Variants in DLGAP1 observed in about 807,000 individuals in gnomAD.
DLGAP1 encodes disks large-associated protein 1.
Under a neutral mutation model 90.8 loss-of-function variants are expected in DLGAP1, and 11 were observed. The observed-to-expected ratio is 0.12, with a 90% CI of 0.08 to 0.20. The LOEUF is 0.20. Among genes scored for constraint, DLGAP1 ranks in the 10% least tolerant of loss-of-function variants. The pLI is 1.00. For synonymous variants in DLGAP1, 558 were observed against 540.7 expected, an observed-to-expected ratio of 1.03 and a Z score of -0.44; for missense variants, 1,050 against 1,333.8, an observed-to-expected ratio of 0.79 and a Z score of 3.31.
chr18:4,285,222 G>C (rs543504613), intron 1 of DLGAP1, among the ~76,000 whole-genome samples: 9 of 152,236 alleles, frequency 5.9e-5, no homozygotes, highest in African/African-American at 2.2e-4. Context: ...TTTTATGCAA[G>C]TACACCCAGA....
chr18:3,886,395 C>T (rs1010356389), intron 3 of DLGAP1, among the ~76,000 whole-genome samples: 6 of 152,160 alleles, frequency 3.9e-5, no homozygotes, highest in African/African-American at 1.4e-4. Context: ...TCCATCACGT[C>T]AAATATTTAT....
chr18:4,013,877 C>T (rs1041505949), intron 2 of DLGAP1: 6 of 152,062 alleles, frequency 3.9e-5, no homozygotes, highest in African/African-American at 1.2e-4. Context: ...ACAGTCATAA[C>T]GAACATATTT....
chr18:4,269,726 T>A (rs1171230519), intron 1 of DLGAP1, among the ~76,000 whole-genome samples: 4 of 152,220 alleles, frequency 2.6e-5, no homozygotes, highest in Non-Finnish European at 4.4e-5. Context: ...AGTCTATAAT[T>A]AATGTTACAG....
chr18:4,198,761 T>C (rs566904119), intron 1 of DLGAP1, among the ~76,000 whole-genome samples: 1 of 152,318 alleles, frequency 6.6e-6, no homozygotes, highest in African/African-American at 2.4e-5. Context: ...TCATATTCCT[T>C]GTAGGTGCAT....
intron 2 of DLGAP1, among the ~76,000 whole-genome samples, chr18:4,016,324 G>A (rs2074522775): frequency 6.6e-6 from 1 of 152,228 alleles, no homozygotes; most frequent in South Asian, 2.1e-4. Context: ...GCAGCCGCTG[G>A]TGAGCGGCCT....
intron 4 of DLGAP1, among the ~76,000 whole-genome samples, chr18:3,853,890 G>A (rs879280541): frequency 6.6e-6 from 1 of 152,016 alleles, no homozygotes; most frequent in African/African-American, 2.4e-5. Flanking sequence ...TATATCCACG[G>A]CCCTTTTTTC....
At chr18:4,169,504 G>T (rs2144573388) in intron 1 of DLGAP1, among the ~76,000 whole-genome samples, 1 of 152,260 alleles carries the variant, frequency 6.6e-6, no homozygotes, top group East Asian at 1.9e-4. Flanking sequence ...CAAATTAAAA[G>T]TATCTGTTGG....
In DLGAP1 at chr18:4,032,027, G is replaced by A. The variant is rs114695058; in HGVS notation, c.-158-26826C>T. 1.8e-3 allele frequency among the ~76,000 whole-genome samples: 274 copies of A among 152,178 alleles called. 2 individuals are homozygous for A. The highest frequency in any genetic ancestry group is 6.0e-3 in the African/African-American group (248 of 41,524). ...AATTATCCCTTTTCTCTAGTTTCCC[G>A]GTTTTGATACTTCACATTGCAAGGA... On this transcript the variant is annotated intron_variant, in intron 2 of 12. Transcript: ENST00000315677.
rs534264111 is a variant in DLGAP1 at position 3,822,872 on chromosome 18, G to A, written c.958-8599C>T. On this transcript the variant is annotated intron_variant, in intron 4 of 12. Coordinates refer to ENST00000315677, the MANE Select transcript of DLGAP1 (RefSeq NM_004746.4). ...AGAAATAATAACTAAGATGCTGGGT[G>A]TGGTAGAATGCACCTGTAGTCCCAG... is the stretch of plus-strand genomic sequence containing the variant. 1.4e-4 allele frequency among the ~76,000 whole-genome samples: 21 copies of A among 152,294 alleles called. 1 individual carries two copies. The highest frequency in any genetic ancestry group is 1.4e-3 in the East Asian group (7 of 5,184).
chr18:4,344,091 C>T (rs1568526682), intron 1 of DLGAP1, among the ~76,000 whole-genome samples: 1 of 152,096 alleles, frequency 6.6e-6, no homozygotes, highest in Non-Finnish European at 1.5e-5. Flanking sequence ...GTTTCAAATT[C>T]CACAATTTAA....
intron 7 of DLGAP1, among the ~76,000 whole-genome samples, chr18:3,652,760 C>T (rs1285171782): frequency 6.6e-6 from 1 of 152,226 alleles, no homozygotes; most frequent in East Asian, 1.9e-4. Flanking sequence ...AATGTGATGT[C>T]CTTTTGGTGT....
intron 1 of DLGAP1, among the ~76,000 whole-genome samples, chr18:4,219,248 T>C (rs1231994021): frequency 6.6e-6 from 1 of 151,994 alleles, no homozygotes; most frequent in African/African-American, 2.4e-5. Context: ...CATTTTTTCA[T>C]ATATCTGTTG....
intron 2 of DLGAP1, among the ~76,000 whole-genome samples, chr18:4,055,322 GT>G (rs1348087750): frequency 6.6e-6 from 1 of 152,110 alleles, no homozygotes; most frequent in South Asian, 2.1e-4. Flanking sequence ...ACATGTGCTG[GT>G]TTGCCATATA....
At chr18:4,303,602 T>C (rs1220686392) in intron 1 of DLGAP1, among the ~76,000 whole-genome samples, 1 of 152,174 alleles carries the variant, frequency 6.6e-6, no homozygotes, top group East Asian at 1.9e-4. Flanking sequence ...CTGGCCAATG[T>C]TAATTTAGAA....
chr18:3,788,402 G>C (rs1193034837), intron 5 of DLGAP1, among the ~76,000 whole-genome samples: 1 of 152,096 alleles, frequency 6.6e-6, no homozygotes, highest in Non-Finnish European at 1.5e-5. Context: ...TCACTGCTTG[G>C]GAAAGGTCAA....
At chr18:4,111,867 T>C (rs774574963) in intron 2 of DLGAP1, among the ~76,000 whole-genome samples, 1 of 151,822 alleles carries the variant, frequency 6.6e-6, no homozygotes, top group Non-Finnish European at 1.5e-5. Flanking sequence ...GCCAGCTTTG[T>C]TGATGTTTTC....
intron 5 of DLGAP1, among the ~76,000 whole-genome samples, chr18:3,789,326 A>G (rs2065611378): frequency 6.6e-6 from 1 of 152,246 alleles, no homozygotes; most frequent in Non-Finnish European, 1.5e-5. Context: ...TCTGAGCATG[A>G]AAAGCCCCCT....
intron 9 of DLGAP1, among the ~76,000 whole-genome samples, chr18:3,563,116 T>C (rs1255068487): frequency 1.3e-5 from 2 of 152,150 alleles, no homozygotes; most frequent in Admixed American, 6.6e-5. Context: ...TGTGAGCCAC[T>C]GAACCCGGCC....
At chr18:3,555,062 T>C (rs1172944963) in intron 9 of DLGAP1, among the ~76,000 whole-genome samples, 1 of 152,056 alleles carries the variant, frequency 6.6e-6, no homozygotes, top group Non-Finnish European at 1.5e-5. Context: ...AAAATACCCC[T>C]CAGCTGTCAT....
Sources: allele counts gnomAD v4.1 joint callset (sites outside exome capture counted in the v4.1 genomes callset), GRCh38; gene constraint gnomAD v4.1.1; transcripts MANE v1.5; gene names NCBI Gene and HGNC (gene_info 2026-07-23, HGNC 2026-07-21).